ACTL8: variants seen among roughly 807,000 people sequenced by gnomAD.
ACTL8 encodes the protein actin like 8.
Under a neutral mutation model 9.3 loss-of-function variants are expected in ACTL8, and 3 were observed. The observed-to-expected ratio is 0.32, with a 90% confidence interval of 0.15 to 0.83. The LOEUF (loss-of-function observed/expected upper bound fraction) is 0.83, where lower values mean the gene tolerates loss of function less well. Among genes scored for constraint, ACTL8 ranks in the 40% least tolerant of loss-of-function variants. The pLI, the probability that ACTL8 is intolerant of heterozygous loss-of-function variation, is 0.57. For missense variants in ACTL8, 381 were observed against 492.2 expected (o/e 0.77, Z 2.14); for synonymous variants, 224 against 205.9 (o/e 1.09, Z -0.75).
chr1:17,762,673 C>T (rs575842665), intron 1 of ACTL8, among the ~76,000 whole-genome samples: 5 of 152,110 alleles, frequency 3.3e-5, no homozygotes, highest in Non-Finnish European at 7.4e-5. Flanking sequence ...GGTGGGAGCC[C>T]AGGGGCTGGC....
chr1:17,798,464 G>A (rs1051518960), intron 1 of ACTL8, among the ~76,000 whole-genome samples: 2 of 152,096 alleles, frequency 1.3e-5, no homozygotes, highest in African/African-American at 2.4e-5. Flanking sequence ...ACAACAGCTC[G>A]CCTGGCAGAT....
At chr1:17,810,914 G>A (rs2066389798) in intron 1 of ACTL8, among the ~76,000 whole-genome samples, 1 of 152,200 alleles carries the variant, frequency 6.6e-6, no homozygotes, top group South Asian at 2.1e-4. Context: ...GAACATTTGG[G>A]TTGTTTAGTG....
chr1:17,821,595 A>G (rs2053660321), intron 1 of ACTL8, among the ~76,000 whole-genome samples: 1 of 151,696 alleles, frequency 6.6e-6, no homozygotes, highest in Admixed American at 6.6e-5. Context: ...CTATTTCTGG[A>G]CTTTCTGTTC....
At chr1:17,818,864 G>C (rs1269605133) in intron 1 of ACTL8, among the ~76,000 whole-genome samples, 1 of 152,216 alleles carries the variant, frequency 6.6e-6, no homozygotes, top group African/African-American at 2.4e-5. Context: ...ACTCCAGAAG[G>C]GGAGAAATCA....
At position 17,826,840 on chromosome 1, in the gene ACTL8, T is replaced by C. The variant is rs2053727932; in HGVS notation, c.*321T>C. The C allele has an allele frequency of 4.9e-6, 1 of 204,998 alleles. No individual in the cohort carries two copies. The highest frequency in any genetic ancestry group is 5.5e-5 in the Admixed American group (1 of 18,192). The allele number at this position is 204,998 out of a possible 1,614,324, so 12.7% of individuals were successfully genotyped here. On this transcript the variant is annotated 3_prime_UTR_variant, in exon 3 of 3. Coordinates refer to ENST00000375406, the MANE Select transcript of ACTL8 (RefSeq NM_030812.3). The surrounding 1 kb of genome is among the most constrained non-coding windows in gnomAD (Gnocchi z 4.5). The stretch of plus-strand genomic sequence containing the variant: ...ACTGATTTTTCATTGGCATTTCCCC[T>C]GGTTTGTCTCATTCTTCTTGGTTGA...
intron 1 of ACTL8, among the ~76,000 whole-genome samples, chr1:17,792,973 A>T (rs747998426): frequency 6.6e-6 from 1 of 152,082 alleles, no homozygotes; most frequent in African/African-American, 2.4e-5. Context: ...TCACATCTGC[A>T]TTTTTTGGGA....
intron 1 of ACTL8, among the ~76,000 whole-genome samples, chr1:17,811,201 T>C (rs930398337): frequency 6.6e-6 from 1 of 152,248 alleles, no homozygotes; most frequent in Admixed American, 6.5e-5. Flanking sequence ...ACTAATGACA[T>C]TTAGCATCTT....
chr1:17,825,390 C>T (rs1329353577), intron 2 of ACTL8, among the ~76,000 whole-genome samples: 1 of 152,018 alleles, frequency 6.6e-6, no homozygotes, highest in Non-Finnish European at 1.5e-5. Flanking sequence ...GGTGAATACG[C>T]AACACTTGTT....
At chr1:17,812,022 T>TTC (rs112469591) in intron 1 of ACTL8, among the ~76,000 whole-genome samples, 1 of 151,464 alleles carries the variant, frequency 6.6e-6, no homozygotes, top group African/African-American at 2.4e-5. Context: ...CTAATTTTTT[T>TTC]ATTTTTTGTA....
chr1:17,808,494 C>T (rs565459777), intron 1 of ACTL8, among the ~76,000 whole-genome samples: 1 of 152,334 alleles, frequency 6.6e-6, no homozygotes, highest in African/African-American at 2.4e-5. Context: ...TGAATCTTGA[C>T]TACACTCAAA....
At chr1:17,764,864 G>A (rs1481636559) in intron 1 of ACTL8, among the ~76,000 whole-genome samples, 1 of 152,242 alleles carries the variant, frequency 6.6e-6, no homozygotes, top group Non-Finnish European at 1.5e-5. Context: ...CTCCCTTGGA[G>A]ATGGCCTGGT....
chr1:17,775,360 TGGAGGAGGA>T (rs146332258), intron 1 of ACTL8, among the ~76,000 whole-genome samples: 1 of 81,434 alleles, frequency 1.2e-5, no homozygotes, highest in African/African-American at 3.2e-5. Flanking sequence ...TGCCTGGAAC[TGGAGGAGGA>T]GGAGGAGGGT....
intron 1 of ACTL8, among the ~76,000 whole-genome samples, chr1:17,801,889 T>C (rs188535285): frequency 2.4e-4 from 36 of 152,348 alleles, no homozygotes; most frequent in Admixed American, 1.4e-3. Flanking sequence ...GCATAAATCA[T>C]TGGTCTCATG....
chr1:17,789,454 C>A (rs1159310733), intron 1 of ACTL8, among the ~76,000 whole-genome samples: 4 of 152,048 alleles, frequency 2.6e-5, no homozygotes, highest in Admixed American at 2.0e-4. Flanking sequence ...AGTGATTTTG[C>A]CTATTTACCT....
At chr1:17,803,620 T>TG (rs1441989652) in intron 1 of ACTL8, among the ~76,000 whole-genome samples, 1 of 152,230 alleles carries the variant, frequency 6.6e-6, no homozygotes, top group African/African-American at 2.4e-5. Flanking sequence ...CGTGAGCCAC[T>TG]GTGCCTGGGC....
At chr1:17,759,036 C>A (rs1199334064) in intron 1 of ACTL8, among the ~76,000 whole-genome samples, 1 of 152,140 alleles carries the variant, frequency 6.6e-6, no homozygotes, top group Admixed American at 6.5e-5. Context: ...TGAGAACTTA[C>A]AAGGATGATA....
In ACTL8 at chr1:17,826,548, T is replaced by C; in HGVS notation, c.*29T>C. 6.6e-7 allele frequency: 1 copy of C among 1,515,552 alleles called. No individual in the cohort carries two copies. Among genetic ancestry groups the C allele is most frequent in the South Asian group, 1.3e-5 (1 of 74,742 alleles). The allele number at this position is 1,515,552 out of a possible 1,614,324, so 93.9% of individuals were successfully genotyped here. ...TACTGGCTCACTCCTGAGAATGGGC[T>C]CCTGTTAGATGGGCACGGGCGGATT... On this transcript the variant is annotated 3_prime_UTR_variant, in exon 3 of 3. Transcript: ENST00000375406. This position sits in a 1 kb window ranked among gnomAD's most constrained non-coding sequence, Gnocchi z 4.5.
At chr1:17,771,993 A>T (rs900302003) in intron 1 of ACTL8, among the ~76,000 whole-genome samples, 3 of 152,184 alleles carry the variant, frequency 2.0e-5, no homozygotes, top group African/African-American at 7.2e-5. Context: ...TTTGAACAGG[A>T]GAGACAGAGA....
At chr1:17,800,699 A>T (rs538085183) in intron 1 of ACTL8, among the ~76,000 whole-genome samples, 1 of 148,494 alleles carries the variant, frequency 6.7e-6, no homozygotes, top group South Asian at 2.1e-4. Context: ...GGTTCAATCA[A>T]TTCTCCTGCT....
Sources: gnomAD v4.1 joint callset for allele counts (sites outside exome capture counted in the v4.1 genomes callset) on GRCh38, gnomAD v4.1.1 for gene constraint, Gnocchi (gnomAD v3.1) non-coding constraint, MANE v1.5 for transcripts, NCBI Gene and HGNC (gene_info 2026-07-23, HGNC 2026-07-21) for gene names.